Variants in VWA2 observed in about 807,000 individuals in gnomAD.
VWA2 encodes the protein von Willebrand factor A domain-containing protein 2.
Under a neutral mutation model 70.4 loss-of-function variants are expected in VWA2, and 73 were observed. The ratio of observed to expected loss-of-function variants is 1.04; its 90% CI spans 0.86 to 1.26. The LOEUF (loss-of-function observed/expected upper bound fraction) is 1.26, where lower values mean the gene tolerates loss of function less well. VWA2 is among the 50% of genes most tolerant of loss of function. VWA2 has a pLI of 0.00. For synonymous variants in VWA2, 407 were observed against 423.3 expected, an observed-to-expected ratio of 0.96 and a Z score of 0.47; for missense variants, 1,011 against 998.5, an observed-to-expected ratio of 1.01 and a Z score of -0.17.
chr10:114,292,436 T>G lies in VWA2; in HGVS notation c.*1199T>G, dbSNP rs576268810. On this transcript the variant is annotated 3_prime_UTR_variant, in exon 14 of 14. Coordinates refer to ENST00000392982, the MANE Select transcript of VWA2 (RefSeq NM_001272046.2). The stretch of plus-strand genomic sequence containing the variant: ...GATTTTGCTTTTTAAAGCATTGATC[T>G]TACGCTGTCTAGGTTTTAATTTTGT... Among the ~76,000 whole-genome samples, 38 of 152,158 alleles carry G rather than the reference T, an allele frequency of 2.5e-4. No homozygotes were observed. The highest frequency in any genetic ancestry group is 3.8e-4 in the Non-Finnish European group (26 of 68,012).
At chr10:114,242,287 T>C (rs746236454) in intron 1 of VWA2, among the ~76,000 whole-genome samples, 1 of 152,120 alleles carries the variant, frequency 6.6e-6, no homozygotes, top group Non-Finnish European at 1.5e-5. Context: ...GGATGGATGG[T>C]GTTACCTCCG....
chr10:114,256,909 CAAAAAAAA>C (rs1191231574), intron 4 of VWA2, among the ~76,000 whole-genome samples: 1 of 54,814 alleles, frequency 1.8e-5, no homozygotes, highest in African/African-American at 6.6e-5. Context: ...AACACCGTCT[CAAAAAAAA>C]AAAAAAAAAA....
intron 8 of VWA2, among the ~76,000 whole-genome samples, chr10:114,279,381 T>G (rs1197780323): frequency 2.1e-5 from 3 of 143,788 alleles, no homozygotes; most frequent in Non-Finnish European, 4.6e-5. Context: ...TTAGACTACC[T>G]GCCATTCAGC....
At chr10:114,254,014 C>T (rs2037265199) in intron 3 of VWA2, among the ~76,000 whole-genome samples, 1 of 151,794 alleles carries the variant, frequency 6.6e-6, no homozygotes, top group African/African-American at 2.4e-5. Context: ...TGCACTCCAG[C>T]CTGGGCAACA....
In VWA2 at chr10:114,272,939, G is replaced by C; in HGVS notation, c.566+5G>C. 1.2e-6 allele frequency: 2 copies of C among 1,607,172 alleles called. No homozygotes were observed. The highest frequency in any genetic ancestry group is 1.7e-6 in the Non-Finnish European group (2 of 1,176,438). ...TGTGGGGGTCAGGTTTCCCAGGTAA[G>C]AGCCTCAGTCACCCTGGATCAGCCC... On this transcript the variant is annotated splice_donor_5th_base_variant and intron_variant, in intron 6 of 13. Transcript: ENST00000392982.
intron 6 of VWA2, among the ~76,000 whole-genome samples, chr10:114,276,820 C>T (rs2037855428): frequency 6.6e-6 from 1 of 151,970 alleles, no homozygotes; most frequent in Admixed American, 6.6e-5. Flanking sequence ...CACCTGGTCT[C>T]TTTCCGCCTT....
At position 114,286,458 on chromosome 10, in the gene VWA2, T is replaced by C; in HGVS notation, c.1517T>C (p.Leu506Pro). ...ATGGTCTACTCGGATCCTCAGGATC[T>C]GTTCAACCAAATCCCTGAGCTGCAG... is the stretch of plus-strand genomic sequence containing the variant. ...HVMVYSDPQD[L>P]FNQIPELQGK... The change falls in exon 11 of 14, where the codon CTG becomes CCG. Residue 506 changes from leucine (L) to proline (P), a missense_variant. Physicochemically the swap from Leu to Pro is moderately conservative, Grantham distance 98 (BLOSUM62 -3). Transcript: ENST00000392982. 2 of 1,606,524 alleles carry C rather than the reference T, an allele frequency of 1.2e-6. No individual in the cohort carries two copies. Among genetic ancestry groups the C allele is most frequent in the South Asian group, 1.1e-5 (1 of 90,534 alleles).
intron 5 of VWA2, among the ~76,000 whole-genome samples, chr10:114,271,772 C>G (rs540731902): frequency 6.6e-6 from 1 of 152,238 alleles, no homozygotes; most frequent in East Asian, 1.9e-4. Context: ...AAATGTGTCC[C>G]CCATCTAGAA....
At chr10:114,240,985 C>A (rs1321675481) in intron 1 of VWA2, among the ~76,000 whole-genome samples, 2 of 152,164 alleles carry the variant, frequency 1.3e-5, no homozygotes, top group African/African-American at 4.8e-5. Flanking sequence ...CAGTATTTCC[C>A]CTCTCTTCAA....
intron 1 of VWA2, among the ~76,000 whole-genome samples, chr10:114,239,925 C>T (rs1035918968): frequency 2.8e-4 from 43 of 152,224 alleles, no homozygotes; most frequent in Non-Finnish European, 4.4e-4. Flanking sequence ...GTATTAAACC[C>T]AAGCTGCCCT....
At position 114,294,135 on chromosome 10, in the gene VWA2, A is replaced by G. The variant is rs543802669; in HGVS notation, c.*2898A>G. On this transcript the variant is annotated 3_prime_UTR_variant, in exon 14 of 14. Coordinates refer to ENST00000392982, the MANE Select transcript of VWA2 (RefSeq NM_001272046.2). Reference sequence around the variant, plus strand: ...CCCTTGATTTTTTTGGATAAACTCTATTTGGTCATTATGCATCATTCTATA... The same window carrying G: ...CCCTTGATTTTTTTGGATAAACTCTGTTTGGTCATTATGCATCATTCTATA... Among the ~76,000 whole-genome samples, 2 of 152,208 alleles carry G rather than the reference A, an allele frequency of 1.3e-5. No homozygotes were observed. Among genetic ancestry groups the G allele is most frequent in the Admixed American group, 6.5e-5 (1 of 15,300 alleles).
At chr10:114,248,560 C>A in intron 1 of VWA2, 144 bp from the exon 2 acceptor site, 1 of 666,890 alleles carries the variant, frequency 1.5e-6, no homozygotes, top group African/African-American at 1.8e-5. Context: ...GAATTGGGGA[C>A]TTTTCTAGTT....
chr10:114,272,182 T>A (rs959870618), intron 5 of VWA2, among the ~76,000 whole-genome samples: 1 of 152,218 alleles, frequency 6.6e-6, no homozygotes, highest in Non-Finnish European at 1.5e-5. Context: ...GGGACCCCTG[T>A]AACCTGCCCT....
chr10:114,264,172 A>C (rs896742333), intron 5 of VWA2, among the ~76,000 whole-genome samples: 16 of 152,246 alleles, frequency 1.1e-4, no homozygotes, highest in African/African-American at 3.9e-4. Context: ...AAACACGTGC[A>C]CACGAAAATA....
chr10:114,290,097 T>C, intron 12 of VWA2, 143 bp from the exon 13 acceptor site: 1 of 1,106,958 alleles, frequency 9.0e-7, no homozygotes, highest in South Asian at 1.6e-5. Context: ...CCAAGTGGTA[T>C]GCAGCACCAA....
chr10:114,287,504 C>G (rs190916774), intron 11 of VWA2, among the ~76,000 whole-genome samples: 294 of 152,258 alleles, frequency 1.9e-3, no homozygotes, highest in Non-Finnish European at 2.9e-3. Context: ...GAGTTCTCCC[C>G]TTGGTAGGTG....
intron 1 of VWA2, among the ~76,000 whole-genome samples, chr10:114,241,165 A>G (rs2036968306): frequency 6.6e-6 from 1 of 152,160 alleles, no homozygotes; most frequent in Non-Finnish European, 1.5e-5. Context: ...CCCCATTGTC[A>G]GCATCCCCCA....
At chr10:114,277,112 C>T (rs2037861901) in intron 6 of VWA2, among the ~76,000 whole-genome samples, 1 of 150,028 alleles carries the variant, frequency 6.7e-6, no homozygotes, top group African/African-American at 2.5e-5. Flanking sequence ...AACCTTGGTC[C>T]ACCCTGATGA....
chr10:114,278,573 C>A, intron 7 of VWA2, 146 bp from the exon 8 acceptor site: 1 of 1,174,902 alleles, frequency 8.5e-7, no homozygotes, highest in Non-Finnish European at 1.2e-6. Flanking sequence ...CAGAGATATG[C>A]CCTGACCTGA....
Sources: gnomAD v4.1 joint callset for allele counts (sites outside exome capture counted in the v4.1 genomes callset) on GRCh38, gnomAD v4.1.1 for gene constraint, MANE v1.5 for transcripts, NCBI Gene and HGNC (gene_info 2026-07-23, HGNC 2026-07-21) for gene names.